Variants in TMCC1 observed in about 807,000 individuals in gnomAD.
The protein encoded by TMCC1 is transmembrane and coiled-coil domain family 1.
In TMCC1, 15 loss-of-function variants were observed where a neutral mutation model predicts 52.4. The ratio of observed to expected loss-of-function variants is 0.29; its 90% CI spans 0.19 to 0.44. The LOEUF (loss-of-function observed/expected upper bound fraction) is 0.44, where lower values mean the gene tolerates loss of function less well. TMCC1 is among the 20% of genes least tolerant of loss of function. TMCC1 has a pLI of 1.00. For synonymous variants in TMCC1, 279 were observed against 301.9 expected, an observed-to-expected ratio of 0.92 and a Z score of 0.79; for missense variants, 503 against 806.0, an observed-to-expected ratio of 0.62 and a Z score of 4.55.
chr3:129,850,633 C>T (rs1204628004), intron 2 of TMCC1, among the ~76,000 whole-genome samples: 1 of 152,082 alleles, frequency 6.6e-6, no homozygotes, highest in Non-Finnish European at 1.5e-5. Context: ...GAGACCCTAA[C>T]CCAGTGGAGC....
At chr3:129,696,048 A>C (rs1351206876) in intron 4 of TMCC1, among the ~76,000 whole-genome samples, 1 of 152,214 alleles carries the variant, frequency 6.6e-6, no homozygotes, top group Non-Finnish European at 1.5e-5. Context: ...TTGTAGGGGT[A>C]AAATCTGCAT....
chr3:129,705,690 C>T (rs972487192), intron 4 of TMCC1, among the ~76,000 whole-genome samples: 1 of 151,034 alleles, frequency 6.6e-6, no homozygotes, highest in Non-Finnish European at 1.5e-5. Context: ...GCAAGCTCCG[C>T]CTCCTGGGTT....
intron 4 of TMCC1, among the ~76,000 whole-genome samples, chr3:129,809,246 CAAAA>C (rs11418962): frequency 1.1e-5 from 1 of 91,412 alleles, no homozygotes; most frequent in Admixed American, 1.4e-4. Context: ...GATTCCATCT[CAAAA>C]AAAAAAAAAA....
At chr3:129,741,843 G>A (rs1027483116) in intron 4 of TMCC1, among the ~76,000 whole-genome samples, 32 of 152,094 alleles carry the variant, frequency 2.1e-4, no homozygotes, top group African/African-American at 7.0e-4. Flanking sequence ...CTCTAATTCC[G>A]TATTTTAACT....
chr3:129,675,665 A>G (rs1040715509), intron 4 of TMCC1, among the ~76,000 whole-genome samples: 1 of 152,228 alleles, frequency 6.6e-6, no homozygotes, highest in Non-Finnish European at 1.5e-5. Flanking sequence ...ACATTACAAT[A>G]AAAGTAATAT....
At chr3:129,756,849 T>C (rs759185262) in intron 4 of TMCC1, among the ~76,000 whole-genome samples, 2 of 152,182 alleles carry the variant, frequency 1.3e-5, no homozygotes, top group Non-Finnish European at 2.9e-5. Flanking sequence ...TGAGGGGAGT[T>C]GTTGATTATA....
intron 4 of TMCC1, among the ~76,000 whole-genome samples, chr3:129,676,117 T>G (rs546134332): frequency 6.1e-4 from 92 of 151,308 alleles, no homozygotes; most frequent in Non-Finnish European, 1.2e-3. Context: ...CCACCACCAG[T>G]TATTACAAGG....
chr3:129,823,666 A>G (rs2058528635), intron 4 of TMCC1, among the ~76,000 whole-genome samples: 1 of 152,208 alleles, frequency 6.6e-6, no homozygotes, highest in Admixed American at 6.5e-5. Flanking sequence ...AGTCTGCAAT[A>G]GTAATTACCT....
chr3:129,750,832 C>A (rs2052443883), intron 4 of TMCC1, among the ~76,000 whole-genome samples: 1 of 151,084 alleles, frequency 6.6e-6, no homozygotes, highest in South Asian at 2.1e-4. Flanking sequence ...GCCACAGCCT[C>A]CCAAAGTGCT....
intron 4 of TMCC1, among the ~76,000 whole-genome samples, chr3:129,722,211 G>A (rs980796550): frequency 2.0e-5 from 3 of 152,186 alleles, no homozygotes; most frequent in Non-Finnish European, 2.9e-5. Context: ...CAGCAAGCGA[G>A]TATTACCACC....
At chr3:129,832,058 T>C (rs951561135) in intron 3 of TMCC1, among the ~76,000 whole-genome samples, 2 of 152,120 alleles carry the variant, frequency 1.3e-5, no homozygotes, top group Non-Finnish European at 1.5e-5. Context: ...GGTTTCGCCA[T>C]GTTGACCAGG....
intron 4 of TMCC1, among the ~76,000 whole-genome samples, chr3:129,684,686 ATAAAG>A (rs2089275320): frequency 6.6e-6 from 1 of 152,216 alleles, no homozygotes; most frequent in Non-Finnish European, 1.5e-5. Flanking sequence ...TAAATTACAA[ATAAAG>A]TAAAGTAGAA....
chr3:129,782,797 TTTTTG>T (rs1474364850), intron 4 of TMCC1, among the ~76,000 whole-genome samples: 1 of 152,190 alleles, frequency 6.6e-6, no homozygotes, highest in Non-Finnish European at 1.5e-5. Flanking sequence ...GTTATTTCCT[TTTTTG>T]TTTTATTTGG....
chr3:129,844,824 A>C (rs769227829), intron 2 of TMCC1, among the ~76,000 whole-genome samples: 3 of 152,188 alleles, frequency 2.0e-5, no homozygotes, highest in Non-Finnish European at 4.4e-5. Flanking sequence ...GCTACCTGTG[A>C]CCCAAAAATT....
At chr3:129,829,801 T>G (rs1268119754) in intron 3 of TMCC1, among the ~76,000 whole-genome samples, 1 of 152,200 alleles carries the variant, frequency 6.6e-6, no homozygotes, top group Non-Finnish European at 1.5e-5. Flanking sequence ...GAGTTCCCTG[T>G]GAACTCAAGG....
intron 5 of TMCC1, among the ~76,000 whole-genome samples, chr3:129,666,020 A>C (rs2087421518): frequency 6.6e-6 from 1 of 152,188 alleles, no homozygotes. Context: ...ATACTAGTAA[A>C]ATAAACTAAA....
chr3:129,865,132 A>G (rs2060562064), intron 2 of TMCC1, among the ~76,000 whole-genome samples: 1 of 152,156 alleles, frequency 6.6e-6, no homozygotes, highest in Non-Finnish European at 1.5e-5. Context: ...TCAAGAAGTC[A>G]GACTAGCCTC....
chr3:129,781,379 T>C (rs1365611545), intron 4 of TMCC1, among the ~76,000 whole-genome samples: 1 of 152,198 alleles, frequency 6.6e-6, no homozygotes, highest in African/African-American at 2.4e-5. Context: ...CAAATAGTAC[T>C]GGACATTCTT....
chr3:129,749,598 A>C (rs1290026858), intron 4 of TMCC1, among the ~76,000 whole-genome samples: 1 of 152,212 alleles, frequency 6.6e-6, no homozygotes, highest in Non-Finnish European at 1.5e-5. Context: ...TTCAGGTCAA[A>C]AAGGAATTTT....
Sources: allele counts gnomAD v4.1 joint callset (sites outside exome capture counted in the v4.1 genomes callset), GRCh38; gene constraint gnomAD v4.1.1; transcripts MANE v1.5; gene names NCBI Gene and HGNC (gene_info 2026-07-23, HGNC 2026-07-21).